DYNC2LI1: variants seen among roughly 807,000 people sequenced by gnomAD.
The protein encoded by DYNC2LI1 is cytoplasmic dynein 2 light intermediate chain 1.
In DYNC2LI1, 45 loss-of-function variants were observed where a neutral mutation model predicts 51.9. That is an observed-to-expected ratio of 0.87 (90% CI 0.68 to 1.11). The LOEUF is 1.11. Among genes scored for constraint, DYNC2LI1 ranks in the 50% most tolerant of loss-of-function variants. DYNC2LI1 has a pLI of 0.00. For synonymous variants in DYNC2LI1, 130 were observed against 137.8 expected, an observed-to-expected ratio of 0.94 and a Z score of 0.40; for missense variants, 490 against 417.4, an observed-to-expected ratio of 1.17 and a Z score of -1.51.
At chr2:43,821,340 G>A in the DYNC2LI1 span, among the ~76,000 whole-genome samples, 26 of 152,138 alleles carry the variant, frequency 1.7e-4, no homozygotes, top group African/African-American at 5.8e-4. Context: ...CCTTCTTGAT[G>A]AGCCATCCAC....
In DYNC2LI1 at chr2:43,809,999, A is replaced by G. The variant is rs1666423779; in HGVS notation, c.*232A>G. ...TTTTAAAATAAAAGAATCTTCTACT[A>G]CCTACCTCTAACATGTTTAAGTGGT... On this transcript the variant is annotated 3_prime_UTR_variant, in exon 13 of 13. Transcript: ENST00000260605. 8.6e-7 allele frequency: 1 copy of G among 1,158,950 alleles called. No homozygotes were observed. Among genetic ancestry groups the G allele is most frequent in the South Asian group, 2.3e-5 (1 of 42,634 alleles). The allele number at this position is 1,158,950 out of a possible 1,614,324, so 71.8% of individuals were successfully genotyped here. A position where few individuals can be genotyped will look rare whatever the true frequency, so the allele number is the denominator to read the frequency against.
intron 11 of DYNC2LI1, 116 bp downstream of exon 11, chr2:43,804,855 CAATT>C (rs1220604726): frequency 1.3e-5 from 8 of 597,928 alleles, no homozygotes; most frequent in African/African-American, 5.9e-5. Flanking sequence ...GCTCAAAAAT[CAATT>C]AAACATTTGC....
intron 5 of DYNC2LI1, among the ~76,000 whole-genome samples, chr2:43,792,476 T>A (rs895925347): frequency 6.6e-6 from 1 of 152,216 alleles, no homozygotes; most frequent in Non-Finnish European, 1.5e-5. Flanking sequence ...TAACCATTTT[T>A]AAAAATACTC....
intron 10 of DYNC2LI1, among the ~76,000 whole-genome samples, chr2:43,804,106 C>T (rs913825491): frequency 6.6e-6 from 1 of 152,108 alleles, no homozygotes; most frequent in Non-Finnish European, 1.5e-5. Context: ...TTATTCAGTA[C>T]CTTTTAATTC....
downstream of DYNC2LI1, chr2:43,810,126 C>A: frequency 8.3e-6 from 3 of 359,734 alleles, 1 homozygote; most frequent in Middle Eastern, 2.8e-3. Context: ...TAAGTGCCCA[C>A]GTTAGACACA....
the DYNC2LI1 span, among the ~76,000 whole-genome samples, chr2:43,815,451 T>C: frequency 2.0e-5 from 3 of 152,150 alleles, no homozygotes; most frequent in Non-Finnish European, 4.4e-5. Context: ...GCCAAGAAAG[T>C]ATAAAAAAAT....
chr2:43,812,851 G>T, downstream of DYNC2LI1: 1 of 474,606 alleles, frequency 2.1e-6, no homozygotes, highest in South Asian at 2.4e-5. Flanking sequence ...ATAGGTTTAT[G>T]AATATTATTT....
chr2:43,786,755 G>A (rs1673538453), intron 3 of DYNC2LI1, among the ~76,000 whole-genome samples: 1 of 152,296 alleles, frequency 6.6e-6, no homozygotes, highest in South Asian at 2.1e-4. Flanking sequence ...GAACCCAGGA[G>A]GCGGAGCTTG....
intron 4 of DYNC2LI1, among the ~76,000 whole-genome samples, chr2:43,789,412 A>G (rs2288706): frequency 0.12 from 18,878 of 152,182 alleles, 1,533 homozygotes; most frequent in Admixed American, 0.22. Flanking sequence ...GAATTAGGGC[A>G]TTTGTGTACA....
At chr2:43,778,275 C>G (rs536438912) in intron 2 of DYNC2LI1, among the ~76,000 whole-genome samples, 1 of 152,198 alleles carries the variant, frequency 6.6e-6, no homozygotes, top group South Asian at 2.1e-4. Context: ...GTGATTTTAC[C>G]TCAAGTAGCT....
chr2:43,805,310 G>A, intron 12 of DYNC2LI1, 64 bp downstream of exon 12: 1 of 1,003,670 alleles, frequency 1.0e-6, no homozygotes, highest in Admixed American at 1.9e-5. Context: ...GGGTGCCTTG[G>A]GAATTCCTTA....
chr2:43,827,277 A>G, the DYNC2LI1 span, among the ~76,000 whole-genome samples: 1 of 151,352 alleles, frequency 6.6e-6, no homozygotes, highest in East Asian at 1.9e-4. Flanking sequence ...GTGAGCCAAG[A>G]TCGCACCACT....
chr2:43,792,959 A>C (rs1176051409), intron 5 of DYNC2LI1: 1 of 614,656 alleles, frequency 1.6e-6, no homozygotes, highest in Non-Finnish European at 2.5e-6. Flanking sequence ...GCTGGTATGA[A>C]CATTGGTGTA....
At chr2:43,822,487 C>CCCCA in the DYNC2LI1 span, 1 of 931,944 alleles carries the variant, frequency 1.1e-6, no homozygotes, top group Non-Finnish European at 1.3e-6. Flanking sequence ...GGCCCCCCCC[C>CCCCA]ATGCACCTGG....
At chr2:43,824,037 G>A in the DYNC2LI1 span, 1 of 1,614,200 alleles carries the variant, frequency 6.2e-7, no homozygotes, top group Non-Finnish European at 8.5e-7. Flanking sequence ...CGAAGAAAAG[G>A]AGGAACAAAC....
At chr2:43,776,012 A>AT (rs151152615) in intron 1 of DYNC2LI1, among the ~76,000 whole-genome samples, 2 of 150,678 alleles carry the variant, frequency 1.3e-5, no homozygotes, top group East Asian at 1.9e-4. Context: ...GCCTCAGCCA[A>AT]TTTTTTTTGT....
rs777122721 is a variant in DYNC2LI1 at position 43,800,832 on chromosome 2, T to A, written c.655-9T>A. On this transcript the variant is annotated splice_polypyrimidine_tract_variant and intron_variant, in intron 8 of 12. Transcript: ENST00000260605. Reference sequence around the variant, plus strand: ...GAGCATGTAATTTGTTCTCCTGATTTGTTTAAAGTTTACCAGTAAATCAGA... The same window carrying A: ...GAGCATGTAATTTGTTCTCCTGATTAGTTTAAAGTTTACCAGTAAATCAGA... 2.0e-6 allele frequency: 3 copies of A among 1,521,420 alleles called. No individual in the cohort carries two copies. Among genetic ancestry groups the A allele is most frequent in the Non-Finnish European group, 2.7e-6 (3 of 1,111,180 alleles). The allele number at this position is 1,521,420 out of a possible 1,614,324, so 94.2% of individuals were successfully genotyped here. A position where few individuals can be genotyped will look rare whatever the true frequency, so the allele number is the denominator to read the frequency against.
In DYNC2LI1 at chr2:43,783,627, A is replaced by C. The variant is rs111794850; in HGVS notation, c.161+73A>C. The C allele has an allele frequency of 2.2e-5, 22 of 992,336 alleles. No homozygotes were observed. In the South Asian group the frequency reaches 3.4e-4, roughly 15 times the overall value. The allele number at this position is 992,336 out of a possible 1,614,324, so 61.5% of individuals were successfully genotyped here. A position where few individuals can be genotyped will look rare whatever the true frequency, so the allele number is the denominator to read the frequency against. Reference sequence around the variant, plus strand: ...GTATAGGGCAAGTTAGCTCTAAAAGACATAAGGAAGGGGAACGATTTTGAG... The same window carrying C: ...GTATAGGGCAAGTTAGCTCTAAAAGCCATAAGGAAGGGGAACGATTTTGAG... On this transcript the variant is annotated intron_variant, in intron 3 of 12. Transcript: ENST00000260605.
At chr2:43,810,603 C>T, downstream of DYNC2LI1, 1 of 833,654 alleles carries the variant, frequency 1.2e-6, no homozygotes, top group African/African-American at 1.8e-5. Context: ...TGACTCCCAG[C>T]TTCAGATAAG....
Sources: allele counts gnomAD v4.1 joint callset (sites outside exome capture counted in the v4.1 genomes callset), GRCh38; gene constraint gnomAD v4.1.1; transcripts MANE v1.5; gene names NCBI Gene and HGNC (gene_info 2026-07-23, HGNC 2026-07-21).